The following FBXO8 variants were observed in gnomAD, a reference collection of about 807,000 sequenced individuals.
FBXO8 encodes F-box only protein 8.
Under a neutral mutation model 33.4 loss-of-function variants are expected in FBXO8, and 15 were observed. That is an observed-to-expected ratio of 0.45 (90% CI 0.30 to 0.69). FBXO8 has a LOEUF of 0.69. FBXO8 is among the 30% of genes least tolerant of loss of function. The probability of loss-of-function intolerance (pLI) is 0.08; values close to 1 mark genes in which losing one functional copy is unlikely to be tolerated. For missense variants in FBXO8, 274 were observed against 380.3 expected, an observed-to-expected ratio of 0.72 and a Z score of 2.32; for synonymous variants, 132 against 131.5, an observed-to-expected ratio of 1.00 and a Z score of -0.02.
rs752549396 is a variant in FBXO8 at position 174,237,454 on chromosome 4, A to G, written c.918T>C (p.His306=). ...AQNISEDFVG[H]LYDNIYLIGH... Reference sequence around the variant, plus strand: ...CAATAAGGTAGATATTGTCATAAAGATGCCCTACAAAATCTTCACTAATAT... The same window carrying G: ...CAATAAGGTAGATATTGTCATAAAGGTGCCCTACAAAATCTTCACTAATAT... The change falls in exon 6 of 6, where the codon CAT becomes CAC. Residue 306 remains histidine (H), a synonymous_variant. Coordinates refer to ENST00000393674, the MANE Select transcript of FBXO8 (RefSeq NM_012180.3). This position sits in a 1 kb window ranked among gnomAD's most constrained non-coding sequence, Gnocchi z 4.4. 4 of 1,613,640 alleles carry G rather than the reference A, an allele frequency of 2.5e-6. No individual in the cohort carries two copies. In the Admixed American group the frequency reaches 6.7e-5, roughly 27 times the overall value.
rs1407739753 is a variant in FBXO8 at position 174,241,024 on chromosome 4, A to T, written c.575+76T>A. 5.1e-6 allele frequency: 4 copies of T among 783,372 alleles called. No homozygotes were observed. The East Asian group carries it at 8.0e-5, about 16-fold the overall frequency. 48.5% of individuals were successfully genotyped at this position (783,372 alleles called of 1,614,324 possible). A position where few individuals can be genotyped will look rare whatever the true frequency, so the allele number is the denominator to read the frequency against. On this transcript the variant is annotated intron_variant, in intron 4 of 5. Coordinates refer to ENST00000393674, the MANE Select transcript of FBXO8 (RefSeq NM_012180.3). This position sits in a 1 kb window ranked among gnomAD's most constrained non-coding sequence, Gnocchi z 4.2. ...AACCAGATGATTACTATGCAGTATT[A>T]GTTTTAAAGTAAAACTTAACTCATC...
chr4:174,269,495 G>A lies in FBXO8; in HGVS notation c.-8-6395C>T, dbSNP rs147472555. Among the ~76,000 whole-genome samples the A allele has an allele frequency of 8.5e-3, 1,288 of 152,126 alleles. 19 individuals are homozygous for A. The highest frequency in any genetic ancestry group is 0.03 in the African/African-American group (1,238 of 41,510). ...GAGGTCAGGAGTTCCAGACTGGCCT[G>A]TCCAACATGGCGAACCTCGTCTCCA... is the stretch of plus-strand genomic sequence containing the variant. On this transcript the variant is annotated intron_variant, in intron 1 of 5. Transcript: ENST00000393674.
Position 174,251,120 on chromosome 4 carries a change from A to T in FBXO8, c.456+8579T>A, listed in dbSNP as rs542167777. ...CAAATAAAAAATTGTTCATTGTAGC[A>T]TATCATATTTTAATATTAAAAATTT... On this transcript the variant is annotated intron_variant, in intron 3 of 5. Coordinates refer to ENST00000393674, the MANE Select transcript of FBXO8 (RefSeq NM_012180.3). The surrounding 1 kb of genome is among the most constrained non-coding windows in gnomAD (Gnocchi z 4.2). Among the ~76,000 whole-genome samples, 1 of 152,320 alleles carries T rather than the reference A, an allele frequency of 6.6e-6. No individual in the cohort carries two copies. Among genetic ancestry groups the T allele is most frequent in the Admixed American group, 6.5e-5 (1 of 15,288 alleles).
chr4:174,272,437 TTC>T lies in FBXO8; in HGVS notation c.-8-9339_-8-9338del, dbSNP rs1392190394. Among the ~76,000 whole-genome samples the T allele has an allele frequency of 4.6e-5, 7 of 152,238 alleles. No individual in the cohort carries two copies. The highest frequency in any genetic ancestry group is 1.7e-4 in the African/African-American group (7 of 41,462). ...TATTATTTATTGTTGTACTGTTACT[TTC>T]TATTTTTTTCCAAATAGTTTCAATT... On this transcript the variant is annotated intron_variant, in intron 1 of 5. Transcript: ENST00000393674. This position sits in a 1 kb window ranked among gnomAD's most constrained non-coding sequence, Gnocchi z 4.7.
At position 174,283,423 on chromosome 4, in the gene FBXO8, GATCTCC is replaced by G. The variant is rs1737193152; in HGVS notation, c.-28_-23del. 1 of 154,528 alleles carries G rather than the reference GATCTCC, an allele frequency of 6.5e-6. No homozygotes were observed. Among genetic ancestry groups the G allele is most frequent in the Non-Finnish European group, 1.4e-5 (1 of 69,370 alleles). The allele number at this position is 154,528 out of a possible 1,614,324, so 9.6% of individuals were successfully genotyped here. A position where few individuals can be genotyped will look rare whatever the true frequency, so the allele number is the denominator to read the frequency against. ...TGACTCCTGTACCTGAGCGACCTGC[GATCTCC>G]ACCGCCGCCGCGACGAATTGGCCTC... On this transcript the variant is annotated 5_prime_UTR_variant, in exon 1 of 6. Transcript: ENST00000393674. The surrounding 1 kb of genome is among the most constrained non-coding windows in gnomAD (Gnocchi z 6.7).
chr4:174,237,340 A>AC lies in FBXO8; in HGVS notation c.*71dup. The stretch of plus-strand genomic sequence containing the variant: ...GGCTACAATGACCAGCACTGATGTA[A>AC]CCCCCATATCTGCTAAGTCCTTGGG... On this transcript the variant is annotated 3_prime_UTR_variant, in exon 6 of 6. Coordinates refer to ENST00000393674, the MANE Select transcript of FBXO8 (RefSeq NM_012180.3). The surrounding 1 kb of genome is among the most constrained non-coding windows in gnomAD (Gnocchi z 4.4). 4 of 1,289,904 alleles carry AC rather than the reference A, an allele frequency of 3.1e-6. No individual in the cohort carries two copies. The highest frequency in any genetic ancestry group is 4.4e-6 in the Non-Finnish European group (4 of 912,904). The allele number at this position is 1,289,904 out of a possible 1,614,324, so 79.9% of individuals were successfully genotyped here.
rs114352979 is a variant in FBXO8, at chr4:174,281,632, C to T, written c.-9+1778G>A. On this transcript the variant is annotated intron_variant, in intron 1 of 5. Transcript: ENST00000393674. The surrounding 1 kb of genome is among the most constrained non-coding windows in gnomAD (Gnocchi z 4.6). ...GCTTGAACCTAGGAGGTCAAGGCTA[C>T]AGTGAGTCTTGTTCGCACCACTGCA... is the stretch of plus-strand genomic sequence containing the variant. Among the ~76,000 whole-genome samples, 492 of 152,196 alleles carry T rather than the reference C, an allele frequency of 3.2e-3. No homozygotes were observed. The highest frequency in any genetic ancestry group is 0.012 in the African/African-American group (479 of 41,522).
chr4:174,246,720 A>C (rs896206231), intron 3 of FBXO8, among the ~76,000 whole-genome samples: 1 of 152,020 alleles, frequency 6.6e-6, no homozygotes, highest in Non-Finnish European at 1.5e-5. Context: ...AAAAGAGAGC[A>C]GGGGAAAGGT....
Position 174,237,359 on chromosome 4 carries a change from C to A in FBXO8, c.*53G>T. 1 of 1,515,534 alleles carries A rather than the reference C, an allele frequency of 6.6e-7. No homozygotes were observed. Among genetic ancestry groups the A allele is most frequent in the Non-Finnish European group, 9.0e-7 (1 of 1,105,550 alleles). 93.9% of individuals were successfully genotyped at this position (1,515,534 alleles called of 1,614,324 possible). ...GATGTAACCCCCATATCTGCTAAGTCCTTGGGTAGCTTTAGTCTGAAGTAA... is the reference window on the plus strand; with the variant it reads ...GATGTAACCCCCATATCTGCTAAGTACTTGGGTAGCTTTAGTCTGAAGTAA... On this transcript the variant is annotated 3_prime_UTR_variant, in exon 6 of 6. Transcript: ENST00000393674. The surrounding 1 kb of genome is among the most constrained non-coding windows in gnomAD (Gnocchi z 4.4).
intron 1 of FBXO8, among the ~76,000 whole-genome samples, chr4:174,266,390 G>A (rs1055117403): frequency 1.3e-5 from 2 of 152,128 alleles, no homozygotes; most frequent in African/African-American, 4.8e-5. Context: ...TGGGACTTTC[G>A]TTTCCCTTTA....
rs934611339 is a variant in FBXO8 at position 174,267,401 on chromosome 4, G to A, written c.-8-4301C>T. Among the ~76,000 whole-genome samples, 5 of 152,196 alleles carry A rather than the reference G, an allele frequency of 3.3e-5. No individual in the cohort carries two copies. The highest frequency in any genetic ancestry group is 1.2e-4 in the African/African-American group (5 of 41,520). On this transcript the variant is annotated intron_variant, in intron 1 of 5. Transcript: ENST00000393674. The surrounding 1 kb of genome is among the most constrained non-coding windows in gnomAD (Gnocchi z 4.7). ...TTTCAACAAAATACAAAAAAAGTTA[G>A]CTAGGTGCGATGGTGCATACCTGTA...
Position 174,258,171 on chromosome 4 carries a change from C to T in FBXO8, c.456+1528G>A, listed in dbSNP as rs559276553. On this transcript the variant is annotated intron_variant, in intron 3 of 5. Coordinates refer to ENST00000393674, the MANE Select transcript of FBXO8 (RefSeq NM_012180.3). ...TTTGAATATGTAAGTGCAGCAGAAT[C>T]TCTTGTAAGAGCAGGTATGCCACAG... is the stretch of plus-strand genomic sequence containing the variant. Among the ~76,000 whole-genome samples, 4 of 152,232 alleles carry T rather than the reference C, an allele frequency of 2.6e-5. No individual in the cohort carries two copies. The South Asian group carries it at 8.3e-4, about 32-fold the overall frequency.
Position 174,245,661 on chromosome 4 carries a change from C to T in FBXO8, c.457-4443G>A, listed in dbSNP as rs1044267477. On this transcript the variant is annotated intron_variant, in intron 3 of 5. Coordinates refer to ENST00000393674, the MANE Select transcript of FBXO8 (RefSeq NM_012180.3). The surrounding 1 kb of genome is among the most constrained non-coding windows in gnomAD (Gnocchi z 4.6). ...GCAATGGGCTATAATGTGAATTTGG[C>T]AGCAATATAAAGATAAATAATGAAA... 1.3e-5 allele frequency among the ~76,000 whole-genome samples: 2 copies of T among 151,572 alleles called. No homozygotes were observed. The highest frequency in any genetic ancestry group is 1.3e-4 in the Admixed American group (2 of 15,144).
rs1326500900 is a variant in FBXO8 at position 174,261,652 on chromosome 4, A to G, written c.329+1112T>C. 2.0e-5 allele frequency among the ~76,000 whole-genome samples: 3 copies of G among 152,022 alleles called. No individual in the cohort carries two copies. The highest frequency in any genetic ancestry group is 6.6e-5 in the Admixed American group (1 of 15,256). ...CGTAGTACTTTCACTATGTCAAACA[A>G]ATGAGTAAAAGAATAACAAGATATG... On this transcript the variant is annotated intron_variant, in intron 2 of 5. Transcript: ENST00000393674. This position sits in a 1 kb window ranked among gnomAD's most constrained non-coding sequence, Gnocchi z 4.1.
intron 3 of FBXO8, among the ~76,000 whole-genome samples, chr4:174,246,718 G>C (rs1330869113): frequency 6.6e-6 from 1 of 152,038 alleles, no homozygotes; most frequent in Admixed American, 6.6e-5. Context: ...TAAAAAGAGA[G>C]CAGGGGAAAG....
chr4:174,255,779 T>C lies in FBXO8; in HGVS notation c.456+3920A>G, dbSNP rs1736401294. On this transcript the variant is annotated intron_variant, in intron 3 of 5. Transcript: ENST00000393674. The surrounding 1 kb of genome is among the most constrained non-coding windows in gnomAD (Gnocchi z 4.3). ...TTAATATACATTGGAGCACAAGTAA[T>C]ATAGTTTACTGGTTGTTAAATAAAA... Among the ~76,000 whole-genome samples, 1 of 152,196 alleles carries C rather than the reference T, an allele frequency of 6.6e-6. No individual in the cohort carries two copies. Among genetic ancestry groups the C allele is most frequent in the Non-Finnish European group, 1.5e-5 (1 of 68,030 alleles).
chr4:174,260,991 A>T (rs953642043), intron 2 of FBXO8, among the ~76,000 whole-genome samples: 2 of 152,006 alleles, frequency 1.3e-5, no homozygotes, highest in Non-Finnish European at 2.9e-5. Context: ...GTCTGAGCAT[A>T]TAACATCAAA....
Position 174,247,401 on chromosome 4 carries a change from C to T in FBXO8, c.457-6183G>A, listed in dbSNP as rs1464315068. 1.4e-5 allele frequency among the ~76,000 whole-genome samples: 2 copies of T among 140,154 alleles called. No individual in the cohort carries two copies. The highest frequency in any genetic ancestry group is 5.2e-5 in the African/African-American group (2 of 38,758). 91.9% of individuals were successfully genotyped at this position (140,154 alleles called of 152,430 possible). On this transcript the variant is annotated intron_variant, in intron 3 of 5. Coordinates refer to ENST00000393674, the MANE Select transcript of FBXO8 (RefSeq NM_012180.3). This position sits in a 1 kb window ranked among gnomAD's most constrained non-coding sequence, Gnocchi z 4.6. ...TTCGTCCTTGTATAAAATGTAAAAT[C>T]TAGTACAATGGCCACTACTTTTCAG... is the stretch of plus-strand genomic sequence containing the variant.
rs1457728223 is a variant in FBXO8, at chr4:174,270,446, C to G, written c.-8-7346G>C. ...ATAGAGCAAACAGCCACTATCACCCCTATATGATCTGTTGTCCTCCCACCT... is the reference window on the plus strand; with the variant it reads ...ATAGAGCAAACAGCCACTATCACCCGTATATGATCTGTTGTCCTCCCACCT... On this transcript the variant is annotated intron_variant, in intron 1 of 5. Coordinates refer to ENST00000393674, the MANE Select transcript of FBXO8 (RefSeq NM_012180.3). This position sits in a 1 kb window ranked among gnomAD's most constrained non-coding sequence, Gnocchi z 4.6. Among the ~76,000 whole-genome samples, 1 of 152,084 alleles carries G rather than the reference C, an allele frequency of 6.6e-6. No homozygotes were observed. The highest frequency in any genetic ancestry group is 1.9e-4 in the East Asian group (1 of 5,192).
Sources: allele counts gnomAD v4.1 joint callset (sites outside exome capture counted in the v4.1 genomes callset), GRCh38; gene constraint gnomAD v4.1.1; non-coding constraint Gnocchi (gnomAD v3.1); transcripts MANE v1.5; gene names NCBI Gene and HGNC (gene_info 2026-07-23, HGNC 2026-07-21).